ATAD2B: variants seen among roughly 807,000 people sequenced by gnomAD.
ATAD2B encodes ATPase family AAA domain-containing protein 2B.
ATAD2B carries 40 observed loss-of-function variants against 167.6 expected under a neutral mutation model. The observed-to-expected ratio is 0.24, with a 90% confidence interval of 0.19 to 0.31. The LOEUF (loss-of-function observed/expected upper bound fraction) is 0.31. ATAD2B is among the 10% of genes least tolerant of loss of function. The probability of loss-of-function intolerance (pLI) is 1.00; values close to 1 mark genes in which losing one functional copy is unlikely to be tolerated. For missense variants in ATAD2B, 1,242 were observed against 1,757.2 expected (o/e 0.71, Z 5.24); for synonymous variants, 579 against 596.5 (o/e 0.97, Z 0.43).
chr2:23,868,691 A>G (rs1695501302), intron 9 of ATAD2B, among the ~76,000 whole-genome samples: 1 of 152,224 alleles, frequency 6.6e-6, no homozygotes, highest in Non-Finnish European at 1.5e-5. Context: ...CACATCTTGA[A>G]CACTAAGCTT....
At chr2:23,870,674 G>GTT (rs1032355219) in intron 8 of ATAD2B, among the ~76,000 whole-genome samples, 1 of 145,852 alleles carries the variant, frequency 6.9e-6, no homozygotes, top group Non-Finnish European at 1.5e-5. Flanking sequence ...AAAAAGTTTG[G>GTT]TTTTTTTTTT....
the ATAD2B span, among the ~76,000 whole-genome samples, chr2:23,736,097 G>C: frequency 6.6e-6 from 1 of 152,134 alleles, no homozygotes; most frequent in African/African-American, 2.4e-5. Context: ...AAGCAAACTA[G>C]AAAGTTTCAG....
intron 13 of ATAD2B, among the ~76,000 whole-genome samples, chr2:23,855,146 A>G (rs1573054946): frequency 6.6e-6 from 1 of 151,648 alleles, no homozygotes; most frequent in African/African-American, 2.4e-5. Flanking sequence ...GTGAGCTGAG[A>G]TCGCACCACT....
At chr2:23,754,379 G>A (rs1206693469) in intron 26 of ATAD2B, 72 bp from the exon 27 acceptor site, 2 of 1,414,802 alleles carry the variant, frequency 1.4e-6, no homozygotes, top group Non-Finnish European at 1.9e-6. Flanking sequence ...TATTCAAATG[G>A]CTAGTCAATA....
chr2:23,698,527 G>C, the ATAD2B span, among the ~76,000 whole-genome samples: 2 of 151,796 alleles, frequency 1.3e-5, no homozygotes, highest in Admixed American at 1.3e-4. Flanking sequence ...TGGTACAAAT[G>C]GCTATTATAT....
intron 17 of ATAD2B, among the ~76,000 whole-genome samples, chr2:23,814,891 A>G (rs1406719330): frequency 6.6e-6 from 1 of 151,902 alleles, no homozygotes; most frequent in Non-Finnish European, 1.5e-5. Flanking sequence ...TGACTCTACT[A>G]AAAATACAAA....
At chr2:23,860,841 G>A (rs1246631094) in intron 12 of ATAD2B, among the ~76,000 whole-genome samples, 1 of 152,232 alleles carries the variant, frequency 6.6e-6, no homozygotes, top group Non-Finnish European at 1.5e-5. Context: ...CATGGTGGCA[G>A]GTGCCCATAA....
chr2:23,799,251 A>G (rs1290743913), intron 18 of ATAD2B, among the ~76,000 whole-genome samples: 3 of 152,156 alleles, frequency 2.0e-5, no homozygotes, highest in African/African-American at 7.2e-5. Context: ...ACACATTTCA[A>G]TTAGCCTATG....
chr2:23,857,528 TTTATTG>T, intron 12 of ATAD2B, 25 bp from the exon 13 acceptor site: 1 of 1,086,588 alleles, frequency 9.2e-7, no homozygotes, highest in Non-Finnish European at 1.3e-6. Context: ...ACAAATAATA[TTTATTG>T]TATTTGTTTT....
intron 6 of ATAD2B, among the ~76,000 whole-genome samples, chr2:23,884,190 C>G (rs77762418): frequency 7.9e-5 from 12 of 152,010 alleles, no homozygotes; most frequent in Admixed American, 7.9e-4. Flanking sequence ...TATAGGTGTA[C>G]TGTTCATCAA....
At chr2:23,859,190 G>A (rs1693941247) in intron 12 of ATAD2B, among the ~76,000 whole-genome samples, 1 of 152,086 alleles carries the variant, frequency 6.6e-6, no homozygotes, top group African/African-American at 2.4e-5. Flanking sequence ...TTTATAAGAT[G>A]GATACATTAT....
At chr2:23,761,604 T>C (rs1676750770) in intron 24 of ATAD2B, among the ~76,000 whole-genome samples, 1 of 152,234 alleles carries the variant, frequency 6.6e-6, no homozygotes, top group Non-Finnish European at 1.5e-5. Context: ...GAAGGCTATC[T>C]TTAGTGAAAC....
chr2:23,837,961 A>T (rs1221760011), intron 13 of ATAD2B, among the ~76,000 whole-genome samples: 2 of 152,196 alleles, frequency 1.3e-5, no homozygotes, highest in African/African-American at 2.4e-5. Flanking sequence ...TTCTAGTAAC[A>T]ATGTTCTTTC....
chr2:23,921,129 C>G (rs977179541), intron 1 of ATAD2B, among the ~76,000 whole-genome samples: 7 of 128,524 alleles, frequency 5.4e-5, no homozygotes, highest in African/African-American at 1.7e-4. Flanking sequence ...TTGCTTGAAC[C>G]TGGGAAGCGG....
intron 16 of ATAD2B, among the ~76,000 whole-genome samples, chr2:23,821,700 T>C (rs1043809550): frequency 6.6e-6 from 1 of 152,228 alleles, no homozygotes; most frequent in Non-Finnish European, 1.5e-5. Context: ...ATTAAGATAA[T>C]CAAAAGACAT....
the ATAD2B span, among the ~76,000 whole-genome samples, chr2:23,702,401 A>G: frequency 2.0e-5 from 3 of 152,198 alleles, no homozygotes; most frequent in Non-Finnish European, 2.9e-5. Context: ...TTTATTGAAC[A>G]CTGTATATTA....
At chr2:23,715,487 T>G in the ATAD2B span, among the ~76,000 whole-genome samples, 1 of 151,730 alleles carries the variant, frequency 6.6e-6, no homozygotes, top group East Asian at 1.9e-4. Flanking sequence ...GGCAGGAGAA[T>G]GGCGTGAACC....
chr2:23,861,598 G>A (rs967450487), intron 12 of ATAD2B, among the ~76,000 whole-genome samples: 2 of 148,152 alleles, frequency 1.3e-5, no homozygotes, highest in African/African-American at 5.0e-5. Flanking sequence ...TAGACAAAAG[G>A]AGTAGCATGA....
chr2:23,909,869 G>A (rs995039092), intron 1 of ATAD2B, among the ~76,000 whole-genome samples: 3 of 150,568 alleles, frequency 2.0e-5, no homozygotes. Flanking sequence ...GTTTGTTTTT[G>A]TTTTTTTTGG....
Sources: gnomAD v4.1 joint callset for allele counts (sites outside exome capture counted in the v4.1 genomes callset) on GRCh38, gnomAD v4.1.1 for gene constraint, MANE v1.5 for transcripts, NCBI Gene and HGNC (gene_info 2026-07-23, HGNC 2026-07-21) for gene names.